The following AR variants were observed in gnomAD, a reference collection of about 807,000 sequenced individuals.
The protein encoded by AR is androgen receptor.
Under a neutral mutation model 53.9 loss-of-function variants are expected in AR, and 8 were observed. The ratio of observed to expected loss-of-function variants is 0.15; its 90% CI spans 0.09 to 0.27. The LOEUF (loss-of-function observed/expected upper bound fraction) is 0.27. Among genes scored for constraint, AR ranks in the 10% least tolerant of loss-of-function variants. The probability of loss-of-function intolerance (pLI) is 1.00; values close to 1 mark genes in which losing one functional copy is unlikely to be tolerated. For missense variants in AR, 639 were observed against 742.5 expected, an observed-to-expected ratio of 0.86 and a Z score of 1.62; for synonymous variants, 359 against 316.4, an observed-to-expected ratio of 1.13 and a Z score of -1.43.
chrX:67,665,401 GA>G (rs1255131049), intron 2 of AR, among the ~76,000 whole-genome samples: 1 of 112,406 alleles, frequency 8.9e-6, no homozygotes, highest in African/African-American at 3.2e-5. Context: ...AGTAAATACT[GA>G]GGGAGAACAA....
chrX:67,560,830 C>T (rs1478895016), intron 1 of AR, among the ~76,000 whole-genome samples: 1 of 111,434 alleles, frequency 9.0e-6, no homozygotes, highest in Admixed American at 9.6e-5. Context: ...TGACAGCCCC[C>T]TACAAAATGA....
chrX:67,699,632 A>C (rs2076034564), intron 3 of AR, among the ~76,000 whole-genome samples: 2 of 110,635 alleles, frequency 1.8e-5, no homozygotes, highest in African/African-American at 6.7e-5. Context: ...CATCTAGGTT[A>C]GTGCTTGACT....
intron 2 of AR, among the ~76,000 whole-genome samples, chrX:67,664,376 G>GGAGTT (rs1569299453): frequency 3.0e-4 from 34 of 112,079 alleles, no homozygotes; most frequent in Admixed American, 6.6e-4. Flanking sequence ...TTTGCTGCAG[G>GGAGTT]TCCACTCCAG....
chrX:67,676,818 A>G (rs1264260693), intron 2 of AR, among the ~76,000 whole-genome samples: 5 of 111,837 alleles, frequency 4.5e-5, no homozygotes, highest in Non-Finnish European at 9.4e-5. Flanking sequence ...CATCACCCTT[A>G]AAACTTTATT....
At chrX:67,647,947 A>C in intron 2 of AR, among the ~76,000 whole-genome samples, 1 of 112,327 alleles carries the variant, frequency 8.9e-6, no homozygotes, top group Non-Finnish European at 1.9e-5. Flanking sequence ...ACCATTTAAA[A>C]ATTTAGAAAT....
intron 2 of AR, among the ~76,000 whole-genome samples, chrX:67,674,999 G>A (rs748864711): frequency 1.7e-3 from 184 of 110,831 alleles, no homozygotes; most frequent in Non-Finnish European, 3.0e-3. Flanking sequence ...GGGCTCTTTA[G>A]TCAGCAGGAG....
chrX:67,588,813 C>T (rs1352211676), intron 1 of AR, among the ~76,000 whole-genome samples: 1 of 112,078 alleles, frequency 8.9e-6, no homozygotes, highest in Non-Finnish European at 1.9e-5. Flanking sequence ...GTGGGGTGGA[C>T]AGTTTGTCAT....
At chrX:67,711,320 G>A in intron 3 of AR, 82 bp from the exon 4 acceptor site, 1 of 1,036,284 alleles carries the variant, frequency 9.6e-7, no homozygotes, top group Non-Finnish European at 1.3e-6. Context: ...TTCTTAGCTA[G>A]GGCAGTTTTT....
intron 1 of AR, among the ~76,000 whole-genome samples, chrX:67,567,610 TGAA>T (rs1921610056): frequency 9.0e-6 from 1 of 111,241 alleles, no homozygotes; most frequent in Non-Finnish European, 1.9e-5. Context: ...AGACCATGAG[TGAA>T]GAAGACTAAA....
chrX:67,593,862 CAT>C (rs1263541230), intron 1 of AR, among the ~76,000 whole-genome samples: 1 of 111,885 alleles, frequency 8.9e-6, no homozygotes, highest in Non-Finnish European at 1.9e-5. Context: ...TTAGAAGGCA[CAT>C]GATAAAGTTA....
At chrX:67,668,492 G>C (rs1927373809) in intron 2 of AR, among the ~76,000 whole-genome samples, 1 of 110,392 alleles carries the variant, frequency 9.1e-6, no homozygotes, top group Non-Finnish European at 1.9e-5. Flanking sequence ...TTTTGCATCA[G>C]TGTTTATCAG....
rs1001659914 is a variant in AR at position 67,652,131 on chromosome X, T to C, written c.1768+8724T>C. 2.7e-5 allele frequency among the ~76,000 whole-genome samples: 3 copies of C among 111,327 alleles called. No individual in the cohort carries two copies. The Admixed American group carries it at 2.9e-4, about 11-fold the overall frequency. ...TTCCCTCCTCCTCAATGTCAGAAAA[T>C]AGAGAATATTGTCTTTCAGGATAGA... On this transcript the variant is annotated intron_variant, in intron 2 of 7. Coordinates refer to ENST00000374690, the MANE Select transcript of AR (RefSeq NM_000044.6).
At chrX:67,704,635 A>C (rs1248960430) in intron 3 of AR, among the ~76,000 whole-genome samples, 2 of 111,441 alleles carry the variant, frequency 1.8e-5, no homozygotes, top group East Asian at 2.8e-4. Context: ...TGCTGTGTAG[A>C]AGCTCTTTAG....
intron 1 of AR, among the ~76,000 whole-genome samples, chrX:67,633,584 C>T (rs1357377671): frequency 8.9e-6 from 1 of 112,263 alleles, no homozygotes; most frequent in East Asian, 2.8e-4. Context: ...CACACAAATA[C>T]TTGTACACAA....
In AR at chrX:67,546,682, G is replaced by A. The variant is rs150545747; in HGVS notation, c.1536G>A (p.Val512=). 7.4e-4 allele frequency: 893 copies of A among 1,206,231 alleles called. No homozygotes were observed. Among genetic ancestry groups the A allele is most frequent in the Non-Finnish European group, 9.7e-4 (865 of 893,539 alleles). ...ACCCTGGCGGCATGGTGAGCAGAGT[G>A]CCCTATCCCAGTCCCACTTGTGTCA... ...VWYPGGMVSR[V]PYPSPTCVKS... Residue 512 remains valine, a synonymous_variant, in exon 1 of 8, where the codon GTG becomes GTA. Transcript: ENST00000374690.
intron 1 of AR, among the ~76,000 whole-genome samples, chrX:67,591,999 A>G (rs1415179473): frequency 8.9e-6 from 1 of 112,523 alleles, no homozygotes; most frequent in Non-Finnish European, 1.9e-5. Context: ...GAGCATAATC[A>G]AGCTAAGAGA....
In AR at chrX:67,560,375, T is replaced by C. The variant is rs112201162; in HGVS notation, c.1616+13613T>C. On this transcript the variant is annotated intron_variant, in intron 1 of 7. Transcript: ENST00000374690. ...CTCTCTAGCTCTCTCTGCTACTCTC[T>C]AATTCCTATTGTATTTGTGCCACCA... 4.3e-3 allele frequency among the ~76,000 whole-genome samples: 486 copies of C among 111,902 alleles called. 4 individuals carry two copies. The highest frequency in any genetic ancestry group is 0.015 in the African/African-American group (463 of 30,800).
At chrX:67,555,732 G>T (rs1194498669) in intron 1 of AR, among the ~76,000 whole-genome samples, 1 of 112,190 alleles carries the variant, frequency 8.9e-6, no homozygotes, top group Non-Finnish European at 1.9e-5. Context: ...TCTGTTCTCT[G>T]CAGGTTGAGT....
chrX:67,664,580 G>A (rs896755802), intron 2 of AR, among the ~76,000 whole-genome samples: 2 of 112,309 alleles, frequency 1.8e-5, no homozygotes, highest in African/African-American at 3.2e-5. Context: ...CACTTGAGGA[G>A]GCAGTCTGTC....
Sources: gnomAD v4.1 joint callset for allele counts (sites outside exome capture counted in the v4.1 genomes callset) on GRCh38, gnomAD v4.1.1 for gene constraint, MANE v1.5 for transcripts, NCBI Gene and HGNC (gene_info 2026-07-23, HGNC 2026-07-21) for gene names.